ZNF554: variants seen among roughly 807,000 people sequenced by gnomAD.
ZNF554 encodes zinc finger protein 554.
In ZNF554, 15 loss-of-function variants were observed where a neutral mutation model predicts 21.2. The ratio of observed to expected loss-of-function variants is 0.71; its 90% CI spans 0.47 to 1.09. ZNF554 has a LOEUF of 1.09. Ranked by LOEUF, ZNF554 falls within the 50% of genes least tolerant of loss-of-function variation. The pLI is 0.00. For missense variants in ZNF554, 691 were observed against 662.7 expected (o/e 1.04, Z -0.47); for synonymous variants, 258 against 251.4 (o/e 1.03, Z -0.25).
chr19:2,833,575 T>C, intron 4 of ZNF554, 106 bp from the exon 5 acceptor site: 1 of 906,788 alleles, frequency 1.1e-6, no homozygotes, highest in Non-Finnish European at 1.6e-6. Flanking sequence ...TATTTGAACA[T>C]CAGTCCGCAC....
chr19:2,823,875 A>C (rs2087294969), intron 2 of ZNF554, among the ~76,000 whole-genome samples: 1 of 152,136 alleles, frequency 6.6e-6, no homozygotes, highest in Non-Finnish European at 1.5e-5. Flanking sequence ...GGAGGGTCGA[A>C]AGAGGCACCA....
At position 2,829,467 on chromosome 19, in the gene ZNF554, G is replaced by A. The variant is rs148294747; in HGVS notation, c.253+1724G>A. Among the ~76,000 whole-genome samples the A allele has an allele frequency of 8.4e-3, 1,281 of 151,992 alleles. 20 individuals carry two copies. Among genetic ancestry groups the A allele is most frequent in the African/African-American group, 0.03 (1,225 of 41,480 alleles). On this transcript the variant is annotated intron_variant, in intron 3 of 4. Coordinates refer to ENST00000317243, the MANE Select transcript of ZNF554 (RefSeq NM_001102651.2). ...AGCTTGACCAACATGGAGAAACCTT[G>A]TCTCTACTAAAAATACAAAATTAGC...
rs1348302034 is a variant in ZNF554 at position 2,833,723 on chromosome 19, A to C, written c.488A>C (p.Lys163Thr). ...AGAAACCAAGACTCAACTTACAAGA[A>C]GGTGGCTTTGCAGGAGGAACCAGCC... Reference protein sequence around the residue: ...VLRNQDSTYKKVALQEEPASG... With the variant: ...VLRNQDSTYKTVALQEEPASG... The change falls in exon 5 of 5, where the codon AAG (lysine) becomes ACG (threonine). Residue 163 changes from lysine to threonine, a missense_variant. Physicochemically the swap from Lys to Thr is moderately conservative, Grantham distance 78 (BLOSUM62 -1). Coordinates refer to ENST00000317243, the MANE Select transcript of ZNF554 (RefSeq NM_001102651.2). 3 of 1,545,498 alleles carry C rather than the reference A, an allele frequency of 1.9e-6. No individual in the cohort carries two copies. The highest frequency in any genetic ancestry group is 1.7e-6 in the Non-Finnish European group (2 of 1,146,924).
chr19:2,821,213 A>G lies in ZNF554; in HGVS notation c.53+1089A>G, dbSNP rs2087259125. Among the ~76,000 whole-genome samples, 1 of 151,500 alleles carries G rather than the reference A, an allele frequency of 6.6e-6. No homozygotes were observed. Among genetic ancestry groups the G allele is most frequent in the African/African-American group, 2.4e-5 (1 of 40,970 alleles). ...GTGATTCTCCTGCCTCAGCCTCCCA[A>G]GTAGCTGGGATTACAGGTGCACGCC... On this transcript the variant is annotated intron_variant, in intron 1 of 4. Transcript: ENST00000317243. This position sits in a 1 kb window ranked among gnomAD's most constrained non-coding sequence, Gnocchi z 8.2.
In ZNF554 at chr19:2,823,108, C is replaced by T. The variant is rs775397935; in HGVS notation, c.122C>T (p.Ser41Phe). 1.2e-6 allele frequency: 2 copies of T among 1,612,784 alleles called. No individual in the cohort carries two copies. The highest frequency in any genetic ancestry group is 1.7e-6 in the Non-Finnish European group (2 of 1,179,012). ...RMAAGYLPRW[S>F]QELVTFEDVS... ...GCTGCTGGGTACCTGCCCCGCTGGT[C>T]CCAGGTGAGATGTCCTCATTCTCCC... Residue 41 changes from serine to phenylalanine, a missense_variant, in exon 2 of 5, where the codon TCC (serine) becomes TTC (phenylalanine). Transcript: ENST00000317243.
At position 2,832,465 on chromosome 19, in the gene ZNF554, A is replaced by G. The variant is rs1599552503; in HGVS notation, c.416A>G (p.Glu139Gly). The change falls in exon 4 of 5, where the codon GAA becomes GGA. Residue 139 changes from glutamate (E) to glycine (G), a missense_variant. By Grantham distance (98) the Glu-to-Gly change is moderately conservative (BLOSUM62 -2). Coordinates refer to ENST00000317243, the MANE Select transcript of ZNF554 (RefSeq NM_001102651.2). ...CAAAGAGAAGCCCTGTGGATAGAGG[A>G]AAAAGGAACTCCTCAAGCCTCCTGT... Reference protein sequence around the residue: ...LEQREALWIEEKGTPQASCSD... With the variant: ...LEQREALWIEGKGTPQASCSD... 6.2e-7 allele frequency: 1 copy of G among 1,609,412 alleles called. No individual in the cohort carries two copies. Among genetic ancestry groups the G allele is most frequent in the Non-Finnish European group, 8.5e-7 (1 of 1,178,406 alleles).
intron 2 of ZNF554, 142 bp downstream of exon 2, chr19:2,823,254 T>A: frequency 1.4e-6 from 1 of 740,368 alleles, no homozygotes; most frequent in Non-Finnish European, 2.2e-6. Flanking sequence ...TGGGATGAGG[T>A]ACTCCTGCTG....
intron 4 of ZNF554, 107 bp from the exon 5 acceptor site, chr19:2,833,574 A>G: frequency 1.1e-6 from 1 of 902,652 alleles, no homozygotes. Context: ...ATATTTGAAC[A>G]TCAGTCCGCA....
At position 2,833,560 on chromosome 19, in the gene ZNF554, G is replaced by A. The variant is rs529175164; in HGVS notation, c.446-121G>A. ...TTCCCATCCTTCCCGCATGTTCAGAGTTGATATTTGAACATCAGTCCGCAC... is the reference window on the plus strand; with the variant it reads ...TTCCCATCCTTCCCGCATGTTCAGAATTGATATTTGAACATCAGTCCGCAC... On this transcript the variant is annotated intron_variant, in intron 4 of 4. Coordinates refer to ENST00000317243, the MANE Select transcript of ZNF554 (RefSeq NM_001102651.2). 69 of 786,258 alleles carry A rather than the reference G, an allele frequency of 8.8e-5. No homozygotes were observed. In the African/African-American group the frequency reaches 1.1e-3, roughly 13 times the overall value. The allele number at this position is 786,258 out of a possible 1,614,324, so 48.7% of individuals were successfully genotyped here.
intron 4 of ZNF554, 23 bp downstream of exon 4, chr19:2,832,517 C>A: frequency 6.4e-7 from 1 of 1,565,744 alleles, no homozygotes; most frequent in Admixed American, 2.0e-5. Flanking sequence ...CAGATAGAAA[C>A]CATTGGGATG....
At position 2,834,218 on chromosome 19, in the gene ZNF554, A is replaced by G. The variant is rs372589013; in HGVS notation, c.983A>G (p.Gln328Arg). The change falls in exon 5 of 5, where the codon CAG becomes CGG. Residue 328 changes from glutamine to arginine, a missense_variant. Coordinates refer to ENST00000317243, the MANE Select transcript of ZNF554 (RefSeq NM_001102651.2). The stretch of plus-strand genomic sequence containing the variant: ...GCAGAGAAACCCTTTGAGTGCCACC[A>G]GTGTGGGAAGGTGTTCAACCGGAGG... ...NTAEKPFECH[Q>R]CGKVFNRRHS... is the part of the protein sequence containing the mutation. 5.6e-6 allele frequency: 9 copies of G among 1,613,938 alleles called. No individual in the cohort carries two copies. The highest frequency in any genetic ancestry group is 1.3e-5 in the African/African-American group (1 of 74,924).
chr19:2,825,003 GTTTT>G (rs140025750), intron 2 of ZNF554, among the ~76,000 whole-genome samples: 54 of 97,696 alleles, frequency 5.5e-4, no homozygotes, highest in African/African-American at 1.9e-3. Flanking sequence ...GATTGCAGTT[GTTTT>G]TTTTTTTTTT....
Position 2,834,108 on chromosome 19 carries a change from C to CG in ZNF554, c.879dup (p.Lys294GlufsTer32), listed in dbSNP as rs550718077. 2.8e-4 allele frequency: 452 copies of CG among 1,613,980 alleles called. No homozygotes were observed. The highest frequency in any genetic ancestry group is 1.6e-3 in the Admixed American group (99 of 60,010). On this transcript the variant is annotated frameshift_variant, in exon 5 of 5. Coordinates refer to ENST00000317243, the MANE Select transcript of ZNF554 (RefSeq NM_001102651.2). LOFTEE classifies it low-confidence loss of function (END_TRUNC). The stretch of plus-strand genomic sequence containing the variant: ...GCCAGAACAGTCACTTTATTCAACA[C>CG]GGGGGGAAGATGTTTGTGTATTTGG...
In ZNF554 at chr19:2,834,168, G is replaced by C; in HGVS notation, c.933G>C (p.Leu311=). 1 of 1,614,022 alleles carries C rather than the reference G, an allele frequency of 6.2e-7. No homozygotes were observed. Among genetic ancestry groups the C allele is most frequent in the African/African-American group, 1.3e-5 (1 of 75,042 alleles). The change falls in exon 5 of 5, where the codon CTG becomes CTC. Residue 311 remains leucine (L), a synonymous_variant. Transcript: ENST00000317243. ...NGQSLNHGMA[L]TIHNKINTAE... ...AGTCATTGAACCACGGTATGGCCCTGACTATCCACAACAAAATCAACACGG... is the reference window on the plus strand; with the variant it reads ...AGTCATTGAACCACGGTATGGCCCTCACTATCCACAACAAAATCAACACGG...
chr19:2,823,068 C>G lies in ZNF554; in HGVS notation c.82C>G (p.Gln28Glu). 2 of 1,613,642 alleles carry G rather than the reference C, an allele frequency of 1.2e-6. No homozygotes were observed. The highest frequency in any genetic ancestry group is 1.7e-6 in the Non-Finnish European group (2 of 1,179,662). ...PSACPGTCFSQEERMAAGYLP... is the reference protein window; with the variant it reads ...PSACPGTCFSEEERMAAGYLP... ...TGCCTGCCCAGGAACCTGCTTTTCCCAAGAGGAGAGAATGGCTGCTGGGTA... is the reference window on the plus strand; with the variant it reads ...TGCCTGCCCAGGAACCTGCTTTTCCGAAGAGGAGAGAATGGCTGCTGGGTA... The change falls in exon 2 of 5, where the codon CAA becomes GAA. Residue 28 changes from glutamine to glutamate, a missense_variant. Coordinates refer to ENST00000317243, the MANE Select transcript of ZNF554 (RefSeq NM_001102651.2).
chr19:2,831,399 A>G (rs2087415774), intron 3 of ZNF554: 1 of 149,788 alleles, frequency 6.7e-6, no homozygotes, highest in Non-Finnish European at 1.5e-5. Flanking sequence ...AGTTCATGTC[A>G]TTCTCCCGCC....
intron 1 of ZNF554, 132 bp from the exon 2 acceptor site, chr19:2,822,889 CCTGGCTTCAGTCCTGGGTT>C (rs1473913111): frequency 6.1e-6 from 4 of 651,162 alleles, no homozygotes; most frequent in Admixed American, 2.7e-5. Flanking sequence ...AAACACAAAC[CCTGGCTTCAGTCCTGGGTT>C]CTGGCTTCAG....
Position 2,834,217 on chromosome 19 carries a change from C to G in ZNF554, c.982C>G (p.Gln328Glu). The change falls in exon 5 of 5, where the codon CAG (glutamine) becomes GAG (glutamate). Residue 328 changes from glutamine (Q) to glutamate (E), a missense_variant. Transcript: ENST00000317243. The stretch of plus-strand genomic sequence containing the variant: ...GGCAGAGAAACCCTTTGAGTGCCAC[C>G]AGTGTGGGAAGGTGTTCAACCGGAG... ...NTAEKPFECH[Q>E]CGKVFNRRHS... 1.2e-6 allele frequency: 2 copies of G among 1,614,024 alleles called. No individual in the cohort carries two copies. Among genetic ancestry groups the G allele is most frequent in the Non-Finnish European group, 1.7e-6 (2 of 1,180,032 alleles).
At position 2,820,022 on chromosome 19, in the gene ZNF554, G is replaced by C; in HGVS notation, c.-50G>C. 2 of 1,192,410 alleles carry C rather than the reference G, an allele frequency of 1.7e-6. No homozygotes were observed. The highest frequency in any genetic ancestry group is 2.1e-6 in the Non-Finnish European group (2 of 961,206). 73.9% of individuals were successfully genotyped at this position (1,192,410 alleles called of 1,614,324 possible). A position where few individuals can be genotyped will look rare whatever the true frequency, so the allele number is the denominator to read the frequency against. ...GCAGGGGAGGCCGGCCGGCCTGCAC[G>C]GGGCGCTCCCGCCTCGGGGGCCCTG... On this transcript the variant is annotated 5_prime_UTR_variant, in exon 1 of 5. Transcript: ENST00000317243.
Sources: allele counts gnomAD v4.1 joint callset (sites outside exome capture counted in the v4.1 genomes callset), GRCh38; gene constraint gnomAD v4.1.1; non-coding constraint Gnocchi (gnomAD v3.1); transcripts MANE v1.5; gene names NCBI Gene and HGNC (gene_info 2026-07-23, HGNC 2026-07-21).